Variants in MAP3K9 observed in about 807,000 individuals in gnomAD.
The protein encoded by MAP3K9 is mitogen-activated protein kinase kinase kinase 9.
MAP3K9 carries 46 observed loss-of-function variants against 95.8 expected under a neutral mutation model. The observed-to-expected ratio is 0.48, with a 90% CI of 0.38 to 0.61. The LOEUF (loss-of-function observed/expected upper bound fraction) is 0.61. MAP3K9 is among the 20% of genes least tolerant of loss of function. The pLI, the probability that MAP3K9 is intolerant of heterozygous loss-of-function variation, is 0.00. For synonymous variants in MAP3K9, 533 were observed against 593.8 expected, an observed-to-expected ratio of 0.90 and a Z score of 1.49; for missense variants, 1,296 against 1,474.3, an observed-to-expected ratio of 0.88 and a Z score of 1.98.
rs752614049 is a variant in MAP3K9 at position 70,761,012 on chromosome 14, C to T, written c.991G>A (p.Asp331Asn). ...CCCCCTGGACCTTACCTCCACACAT[C>T]ACTGCCTTTGGAAAACATGGAGGCC... ...IRASMFSKGS[D>N]VWSYGVLLWE... The change falls in exon 3 of 12, where the codon GAT (aspartate) becomes AAT (asparagine). Residue 331 changes from aspartate to asparagine, a missense_variant. Physicochemically the swap from Asp to Asn is conservative, Grantham distance 23 (BLOSUM62 1). Transcript: ENST00000554752. 6.2e-7 allele frequency: 1 copy of T among 1,613,896 alleles called. No homozygotes were observed. Among genetic ancestry groups the T allele is most frequent in the Non-Finnish European group, 8.5e-7 (1 of 1,179,958 alleles).
At position 70,742,377 on chromosome 14, in the gene MAP3K9, T is replaced by A; in HGVS notation, c.1541A>T (p.Asp514Val). ...KFRKSRLKLK[D>V]GNRISLPSDF... ...AGAAGGGAGGCTGATGCGGTTGCCATCCTTGAGCTTCAGCCGGCTCTTCCT... is the reference window on the plus strand; with the variant it reads ...AGAAGGGAGGCTGATGCGGTTGCCAACCTTGAGCTTCAGCCGGCTCTTCCT... Residue 514 changes from aspartate to valine, a missense_variant, in exon 6 of 12, where the codon GAT becomes GTT. Asp to Val is a radical substitution (Grantham distance 152). Coordinates refer to ENST00000554752, the MANE Select transcript of MAP3K9 (RefSeq NM_001284230.2). 1 of 1,614,202 alleles carries A rather than the reference T, an allele frequency of 6.2e-7. No individual in the cohort carries two copies. Among genetic ancestry groups the A allele is most frequent in the Middle Eastern group, 1.7e-4 (1 of 6,060 alleles).
chr14:70,734,293 G>T, intron 10 of MAP3K9, 93 bp downstream of exon 10: 1 of 839,762 alleles, frequency 1.2e-6, no homozygotes, highest in Non-Finnish European at 2.1e-6. Context: ...ATGAAGCAGT[G>T]CTAGGGGTCC....
chr14:70,752,764 T>A (rs2054247280), intron 3 of MAP3K9, among the ~76,000 whole-genome samples: 1 of 152,088 alleles, frequency 6.6e-6, no homozygotes, highest in African/African-American at 2.4e-5. Flanking sequence ...AAGATCCAAA[T>A]ATGTTCTGTT....
At chr14:70,785,668 G>A (rs767727325) in intron 2 of MAP3K9, among the ~76,000 whole-genome samples, 3 of 152,124 alleles carry the variant, frequency 2.0e-5, no homozygotes, top group Non-Finnish European at 4.4e-5. Context: ...TGCTTTGGAT[G>A]ACCCGGGATC....
intron 3 of MAP3K9, among the ~76,000 whole-genome samples, chr14:70,751,764 A>C (rs557009891): frequency 6.6e-6 from 1 of 152,264 alleles, no homozygotes; most frequent in Admixed American, 6.5e-5. Context: ...TTTATCATGA[A>C]ACCTTATATA....
intron 2 of MAP3K9, among the ~76,000 whole-genome samples, chr14:70,781,510 G>C (rs1398316783): frequency 6.6e-6 from 1 of 152,212 alleles, no homozygotes; most frequent in Non-Finnish European, 1.5e-5. Flanking sequence ...AAATGTTCTT[G>C]TTTGGGGTCG....
At chr14:70,796,252 C>T (rs1450533906) in intron 2 of MAP3K9, among the ~76,000 whole-genome samples, 1 of 152,222 alleles carries the variant, frequency 6.6e-6, no homozygotes, top group Non-Finnish European at 1.5e-5. Flanking sequence ...AGAAGAGACA[C>T]ATAAATCCAT....
chr14:70,769,321 AC>A (rs2054500070), intron 2 of MAP3K9, among the ~76,000 whole-genome samples: 1 of 151,718 alleles, frequency 6.6e-6, no homozygotes, highest in Admixed American at 6.6e-5. Flanking sequence ...TCTCTCCACC[AC>A]CCCCTTTCCT....
chr14:70,744,497 G>A (rs2054119032), intron 5 of MAP3K9, among the ~76,000 whole-genome samples: 1 of 152,154 alleles, frequency 6.6e-6, no homozygotes, highest in Non-Finnish European at 1.5e-5. Context: ...CAAAAGCTAA[G>A]TGAGGCATGT....
chr14:70,777,044 T>A (rs2054608716), intron 2 of MAP3K9, among the ~76,000 whole-genome samples: 1 of 151,678 alleles, frequency 6.6e-6, no homozygotes. Flanking sequence ...TTGGCCAGGC[T>A]GGTCTCGAAC....
At chr14:70,757,797 TG>T (rs879866137) in intron 3 of MAP3K9, among the ~76,000 whole-genome samples, 41 of 152,096 alleles carry the variant, frequency 2.7e-4, no homozygotes, top group Admixed American at 2.6e-4. Flanking sequence ...AATAATTCGA[TG>T]GGAAAAAATG....
intron 5 of MAP3K9, among the ~76,000 whole-genome samples, chr14:70,748,025 G>A (rs1054122306): frequency 0.026 from 19 of 730 alleles, no homozygotes; most frequent in East Asian, 0.059. Flanking sequence ...GGAGAATGGC[G>A]TGAACCCAGA....
At chr14:70,772,824 G>A (rs927830519) in intron 2 of MAP3K9, among the ~76,000 whole-genome samples, 3 of 152,046 alleles carry the variant, frequency 2.0e-5, no homozygotes, top group Non-Finnish European at 2.9e-5. Flanking sequence ...TCATCAATAC[G>A]GAAAGTAGGT....
Position 70,799,306 on chromosome 14 carries a change from C to A in MAP3K9, c.820+1361G>T, listed in dbSNP as rs564220635. ...GGGATTACAGACATGAGCCACTGCACCCCACCACTACTTACATAATTTTAA... is the reference window on the plus strand; with the variant it reads ...GGGATTACAGACATGAGCCACTGCAACCCACCACTACTTACATAATTTTAA... On this transcript the variant is annotated intron_variant, in intron 2 of 11. Coordinates refer to ENST00000554752, the MANE Select transcript of MAP3K9 (RefSeq NM_001284230.2). 3.3e-5 allele frequency among the ~76,000 whole-genome samples: 5 copies of A among 152,208 alleles called. No homozygotes were observed. In the South Asian group the frequency reaches 1.0e-3, roughly 32 times the overall value.
rs759804164 is a variant in MAP3K9, at chr14:70,733,038, C to T, written c.2331G>A (p.Leu777=). 1 of 1,614,186 alleles carries T rather than the reference C, an allele frequency of 6.2e-7. No individual in the cohort carries two copies. Among genetic ancestry groups the T allele is most frequent in the Admixed American group, 1.7e-5 (1 of 60,030 alleles). Residue 777 remains leucine, a synonymous_variant, in exon 11 of 12, where the codon CTG becomes CTA. Transcript: ENST00000554752. Reference sequence around the variant, plus strand: ...GTGGCTCAGGCTCCTCCAGGGGAAGCAGCTGGCACTTGCCAGCTTCCAGCA... The same window carrying T: ...GTGGCTCAGGCTCCTCCAGGGGAAGTAGCTGGCACTTGCCAGCTTCCAGCA... ...FDLLEAGKCQ[L]LPLEEPEPPA... is the part of the protein sequence containing the mutation.
At chr14:70,758,887 C>T (rs181858507) in intron 3 of MAP3K9, among the ~76,000 whole-genome samples, 1 of 151,934 alleles carries the variant, frequency 6.6e-6, no homozygotes, top group South Asian at 2.1e-4. Context: ...CTCAGTCTCC[C>T]GAGTAGCTGG....
chr14:70,735,034 G>C (rs912462345), intron 9 of MAP3K9, among the ~76,000 whole-genome samples: 1 of 152,210 alleles, frequency 6.6e-6, no homozygotes, highest in African/African-American at 2.4e-5. Context: ...TTTTTAAAAG[G>C]CAAAACCAAC....
intron 2 of MAP3K9, among the ~76,000 whole-genome samples, chr14:70,786,416 T>G (rs1383032040): frequency 6.6e-6 from 1 of 152,102 alleles, no homozygotes; most frequent in East Asian, 1.9e-4. Flanking sequence ...AAATAAAAAA[T>G]GTTTTTATTA....
intron 3 of MAP3K9, among the ~76,000 whole-genome samples, chr14:70,757,763 A>G (rs1303818602): frequency 6.6e-6 from 1 of 152,216 alleles, no homozygotes; most frequent in African/African-American, 2.4e-5. Flanking sequence ...TTTCTGGTAA[A>G]TTGACATTTG....
Sources: allele counts gnomAD v4.1 joint callset (sites outside exome capture counted in the v4.1 genomes callset), GRCh38; gene constraint gnomAD v4.1.1; transcripts MANE v1.5; gene names NCBI Gene and HGNC (gene_info 2026-07-23, HGNC 2026-07-21).